GPC5: variants seen among roughly 807,000 people sequenced by gnomAD.
GPC5 encodes glypican-5.
In GPC5, 47 loss-of-function variants were observed where a neutral mutation model predicts 53.9. The ratio of observed to expected loss-of-function variants is 0.87; its 90% CI spans 0.69 to 1.11. GPC5 has a LOEUF of 1.11. Among genes scored for constraint, GPC5 ranks in the 50% most tolerant of loss-of-function variants. The pLI is 0.00. For missense variants in GPC5, 748 were observed against 713.1 expected (o/e 1.05, Z -0.56); for synonymous variants, 286 against 263.3 (o/e 1.09, Z -0.84).
chr13:91,757,253 G>A (rs896897769), intron 5 of GPC5, among the ~76,000 whole-genome samples: 4 of 152,000 alleles, frequency 2.6e-5, no homozygotes, highest in South Asian at 2.1e-4. Context: ...ATCTGAATCT[G>A]TTAAACTATA....
intron 7 of GPC5, among the ~76,000 whole-genome samples, chr13:92,198,287 C>T (rs756650952): frequency 2.6e-5 from 4 of 152,206 alleles, no homozygotes; most frequent in Non-Finnish European, 4.4e-5. Flanking sequence ...ACTGGTGCTA[C>T]ATTCCTCTAT....
At chr13:92,800,118 G>A (rs1876844652) in intron 7 of GPC5, among the ~76,000 whole-genome samples, 1 of 151,756 alleles carries the variant, frequency 6.6e-6, no homozygotes, top group African/African-American at 2.4e-5. Flanking sequence ...TATTTGGTTT[G>A]CATGTTCAAA....
intron 7 of GPC5, among the ~76,000 whole-genome samples, chr13:92,734,933 A>T: frequency 6.6e-6 from 1 of 151,934 alleles, no homozygotes; most frequent in East Asian, 1.9e-4. Flanking sequence ...GACTATGGTA[A>T]TGATTTAAAA....
At chr13:91,418,199 C>G (rs555723544) in intron 1 of GPC5, among the ~76,000 whole-genome samples, 2 of 152,136 alleles carry the variant, frequency 1.3e-5, no homozygotes, top group South Asian at 2.1e-4. Flanking sequence ...TTTTAGGCAG[C>G]CACTAGGAGT....
At chr13:91,593,672 A>G (rs7337548) in intron 2 of GPC5, among the ~76,000 whole-genome samples, 129,920 of 152,188 alleles carry the variant, frequency 0.85, 57,326 homozygotes, top group Non-Finnish European at 0.96. Context: ...CCCAGCAGAA[A>G]TGAGTGTTGA....
intron 6 of GPC5, among the ~76,000 whole-genome samples, chr13:92,089,223 A>C (rs185760271): frequency 3.3e-5 from 5 of 152,312 alleles, no homozygotes; most frequent in African/African-American, 1.2e-4. Context: ...TCACGAGGTC[A>C]GGAGATGGAG....
chr13:91,921,526 G>T (rs1456080261), intron 6 of GPC5, among the ~76,000 whole-genome samples: 4 of 151,888 alleles, frequency 2.6e-5, no homozygotes, highest in Non-Finnish European at 5.9e-5. Context: ...CTATGCAAAT[G>T]GATAGATACT....
chr13:92,256,202 T>C (rs935490500), intron 7 of GPC5, among the ~76,000 whole-genome samples: 1 of 151,840 alleles, frequency 6.6e-6, no homozygotes, highest in African/African-American at 2.4e-5. Context: ...TTTTGTAGTA[T>C]AATTACTGAC....
At chr13:92,865,149 A>T (rs994549849) in intron 7 of GPC5, among the ~76,000 whole-genome samples, 1 of 152,118 alleles carries the variant, frequency 6.6e-6, no homozygotes, top group Non-Finnish European at 1.5e-5. Flanking sequence ...AATTAAGGGG[A>T]TAGTTTTTTC....
At chr13:91,441,964 A>G (rs928136180) in intron 1 of GPC5, among the ~76,000 whole-genome samples, 1 of 152,198 alleles carries the variant, frequency 6.6e-6, no homozygotes, top group Non-Finnish European at 1.5e-5. Flanking sequence ...CTCTATGTCT[A>G]CCATCAATAA....
At chr13:92,213,745 A>G (rs1350394790) in intron 7 of GPC5, among the ~76,000 whole-genome samples, 1 of 152,150 alleles carries the variant, frequency 6.6e-6, no homozygotes, top group African/African-American at 2.4e-5. Context: ...CAACTCCTAA[A>G]TAGTTTAAGT....
intron 7 of GPC5, among the ~76,000 whole-genome samples, chr13:92,816,326 A>G (rs1248681072): frequency 6.6e-6 from 1 of 152,070 alleles, no homozygotes; most frequent in Non-Finnish European, 1.5e-5. Context: ...GACTTGAGCT[A>G]TATGATTTCC....
chr13:92,673,413 T>G (rs2139209441), intron 7 of GPC5, among the ~76,000 whole-genome samples: 1 of 152,004 alleles, frequency 6.6e-6, no homozygotes, highest in Non-Finnish European at 1.5e-5. Context: ...TTCCAGTACC[T>G]TCCAGTACCA....
chr13:91,849,159 A>G (rs756780600), intron 5 of GPC5, among the ~76,000 whole-genome samples: 11 of 152,204 alleles, frequency 7.2e-5, no homozygotes, highest in Non-Finnish European at 1.5e-4. Flanking sequence ...CTAATAAAGA[A>G]TGCATTTGCT....
intron 6 of GPC5, among the ~76,000 whole-genome samples, chr13:92,127,772 T>C (rs573227008): frequency 2.0e-5 from 3 of 152,338 alleles, no homozygotes; most frequent in African/African-American, 7.2e-5. Flanking sequence ...CACGAAGTTT[T>C]CTATATTGGC....
rs1323023652 is a variant in GPC5 at position 91,478,822 on chromosome 13, T to TATATATATATAC, written c.325+29901_325+29902insTATATATATACA. Reference sequence around the variant, plus strand: ...ATATATATATATATATATATATATATACACACACACACATATATATACACA... The same window carrying TATATATATATAC: ...ATATATATATATATATATATATATATATATATATATACACACACACACACATATATATACACA... On this transcript the variant is annotated intron_variant, in intron 2 of 7. Transcript: ENST00000377067. Among the ~76,000 whole-genome samples the TATATATATATAC allele has an allele frequency of 1.2e-3, 107 of 92,148 alleles. 5 individuals carry two copies. Among genetic ancestry groups the TATATATATATAC allele is most frequent in the African/African-American group, 5.1e-3 (98 of 19,344 alleles). The allele number at this position is 92,148 out of a possible 152,430, so 60.5% of individuals were successfully genotyped here. A position where few individuals can be genotyped will look rare whatever the true frequency, so the allele number is the denominator to read the frequency against.
chr13:91,643,594 G>A (rs1298852936), intron 2 of GPC5, among the ~76,000 whole-genome samples: 1 of 152,136 alleles, frequency 6.6e-6, no homozygotes, highest in Non-Finnish European at 1.5e-5. Flanking sequence ...CCAAAAACTG[G>A]GCAGCTTAAA....
At chr13:91,974,440 T>C (rs947822830) in intron 6 of GPC5, among the ~76,000 whole-genome samples, 1 of 152,044 alleles carries the variant, frequency 6.6e-6, no homozygotes, top group Middle Eastern at 3.4e-3. Flanking sequence ...ACAAAATCAA[T>C]GTACAAAAAT....
rs7993222 is a variant in GPC5, at chr13:92,067,478, A to T, written c.1402-77352A>T. Among the ~76,000 whole-genome samples the T allele has an allele frequency of 9.9e-3, 1,510 of 152,134 alleles. 33 individuals are homozygous for T. The highest frequency in any genetic ancestry group is 0.034 in the African/African-American group (1,427 of 41,558). ...GATCAGAGAATTTCAACCAAATATT[A>T]AATTCTCAAATAGTATGCAAACAGG... is the stretch of plus-strand genomic sequence containing the variant. On this transcript the variant is annotated intron_variant, in intron 6 of 7. Transcript: ENST00000377067.
Sources: allele counts gnomAD v4.1 joint callset (sites outside exome capture counted in the v4.1 genomes callset), GRCh38; gene constraint gnomAD v4.1.1; transcripts MANE v1.5; gene names NCBI Gene and HGNC (gene_info 2026-07-23, HGNC 2026-07-21).